Variants in SORCS3 observed in about 807,000 individuals in gnomAD.
The protein encoded by SORCS3 is sortilin related VPS10 domain containing receptor 3.
SORCS3 carries 57 observed loss-of-function variants against 146.3 expected under a neutral mutation model. The ratio of observed to expected loss-of-function variants is 0.39; its 90% confidence interval spans 0.31 to 0.49. The LOEUF is 0.49. Among genes scored for constraint, SORCS3 ranks in the 20% least tolerant of loss-of-function variants. The pLI, the probability that SORCS3 is intolerant of heterozygous loss-of-function variation, is 0.92. For synonymous variants in SORCS3, 653 were observed against 618.5 expected (o/e 1.06, Z -0.83); for missense variants, 1,341 against 1,575.5 (o/e 0.85, Z 2.52).
At chr10:105,073,551 TC>T (rs1208678563) in intron 5 of SORCS3, among the ~76,000 whole-genome samples, 3 of 152,202 alleles carry the variant, frequency 2.0e-5, no homozygotes, top group Non-Finnish European at 4.4e-5. Context: ...CTTGGGCCTT[TC>T]CATGAGGCTA....
intron 3 of SORCS3, among the ~76,000 whole-genome samples, chr10:104,940,239 T>TATA (rs1554861474): frequency 1.2e-3 from 18 of 14,498 alleles, no homozygotes; most frequent in South Asian, 3.5e-3. Context: ...TATATATATA[T>TATA]TTTTTTTTTT....
intron 7 of SORCS3, among the ~76,000 whole-genome samples, chr10:105,137,494 A>C (rs2056066907): frequency 7.5e-6 from 1 of 133,450 alleles, no homozygotes; most frequent in Non-Finnish European, 1.7e-5. Flanking sequence ...TTCACCTCAA[A>C]TTAAAAAAAA....
chr10:104,951,559 G>A (rs2019429433), intron 3 of SORCS3, among the ~76,000 whole-genome samples: 1 of 151,888 alleles, frequency 6.6e-6, no homozygotes, highest in Non-Finnish European at 1.5e-5. Context: ...TGCCCAGCCT[G>A]GTCTCAAACT....
At chr10:105,137,631 G>A (rs1347575136) in intron 7 of SORCS3, among the ~76,000 whole-genome samples, 1 of 152,090 alleles carries the variant, frequency 6.6e-6, no homozygotes, top group African/African-American at 2.4e-5. Flanking sequence ...CTAGTTATGA[G>A]GTGTTCAAAG....
intron 9 of SORCS3, 90 bp from the exon 10 acceptor site, chr10:105,157,048 T>G: frequency 6.9e-7 from 1 of 1,452,548 alleles, no homozygotes; most frequent in Non-Finnish European, 9.4e-7. Context: ...CAACATGCCG[T>G]GGGAAATTCT....
intron 1 of SORCS3, among the ~76,000 whole-genome samples, chr10:104,706,258 A>G (rs1352811156): frequency 8.2e-6 from 1 of 122,376 alleles, no homozygotes; most frequent in African/African-American, 3.3e-5. Context: ...GCCAGACTGG[A>G]GTGCAGTGGC....
intron 6 of SORCS3, 37 bp from the exon 7 acceptor site, chr10:105,105,360 A>C (rs944496701): frequency 2.1e-6 from 3 of 1,414,940 alleles, no homozygotes; most frequent in African/African-American, 1.4e-5. Flanking sequence ...CATGATTTTC[A>C]CTTGTATCTA....
At chr10:105,095,652 A>G (rs367587831) in intron 6 of SORCS3, among the ~76,000 whole-genome samples, 49 of 149,632 alleles carry the variant, frequency 3.3e-4, no homozygotes, top group African/African-American at 1.0e-3. Context: ...TTTCTGCTCA[A>G]TCTCCATGGG....
At chr10:105,050,931 G>A (rs1288154641) in intron 5 of SORCS3, among the ~76,000 whole-genome samples, 9 of 152,168 alleles carry the variant, frequency 5.9e-5, no homozygotes, top group Admixed American at 5.9e-4. Flanking sequence ...TTGTTTGGGT[G>A]TGTCCTTGAA....
chr10:105,241,648 A>G (rs2056824297), intron 20 of SORCS3, among the ~76,000 whole-genome samples: 1 of 152,086 alleles, frequency 6.6e-6, no homozygotes, highest in Non-Finnish European at 1.5e-5. Context: ...TTTACTGAGC[A>G]ATGAAAACAG....
intron 2 of SORCS3, among the ~76,000 whole-genome samples, chr10:104,849,411 CAAAAAAAAAA>C (rs10591862): frequency 1.3e-5 from 1 of 78,022 alleles, no homozygotes; most frequent in East Asian, 4.1e-4. Flanking sequence ...GACTCCATCT[CAAAAAAAAAA>C]AAAAAAAAAA....
chr10:104,870,494 A>G (rs1033455997), intron 2 of SORCS3, among the ~76,000 whole-genome samples: 4 of 152,162 alleles, frequency 2.6e-5, no homozygotes, highest in African/African-American at 7.2e-5. Flanking sequence ...GGTAACACCT[A>G]AAACTGCCAT....
At chr10:105,222,044 CTT>C (rs34795700) in intron 19 of SORCS3, among the ~76,000 whole-genome samples, 5,580 of 76,176 alleles carry the variant, frequency 0.073, 87 homozygotes, top group Non-Finnish European at 0.09. Flanking sequence ...TACCTTAACA[CTT>C]TTTTTTTTTT....
At chr10:105,211,092 C>A in intron 16 of SORCS3, 45 bp from the exon 17 acceptor site, 1 of 1,289,946 alleles carries the variant, frequency 7.8e-7, no homozygotes, top group Non-Finnish European at 1.1e-6. Flanking sequence ...GTTATTTTAG[C>A]GTTTGTACAT....
intron 1 of SORCS3, among the ~76,000 whole-genome samples, chr10:104,774,013 T>C (rs1052345708): frequency 6.6e-6 from 1 of 152,204 alleles, no homozygotes; most frequent in Non-Finnish European, 1.5e-5. Flanking sequence ...TATCCTCTGT[T>C]CCTTCTGGAT....
At chr10:104,646,097 G>A (rs768923869) in intron 1 of SORCS3, among the ~76,000 whole-genome samples, 2 of 152,190 alleles carry the variant, frequency 1.3e-5, no homozygotes, top group Admixed American at 6.5e-5. Context: ...GGGACATAAC[G>A]GTACTAATTG....
intron 17 of SORCS3, among the ~76,000 whole-genome samples, chr10:105,212,978 G>A (rs2119644644): frequency 6.6e-6 from 1 of 152,058 alleles, no homozygotes; most frequent in African/African-American, 2.4e-5. Context: ...AAAAAATAAG[G>A]TGATATTAAT....
At chr10:104,882,038 T>A (rs191820487) in intron 2 of SORCS3, among the ~76,000 whole-genome samples, 2 of 152,342 alleles carry the variant, frequency 1.3e-5, no homozygotes, top group Admixed American at 1.3e-4. Flanking sequence ...AGCTGCTCAG[T>A]GGATGCACAG....
At position 104,749,226 on chromosome 10, in the gene SORCS3, GGTGTGTGTGTGTGT is replaced by G. The variant is rs60550253; in HGVS notation, c.628-93537_628-93524del. On this transcript the variant is annotated intron_variant, in intron 1 of 26. Coordinates refer to ENST00000369701, the MANE Select transcript of SORCS3 (RefSeq NM_014978.3). The stretch of plus-strand genomic sequence containing the variant: ...GTACCTTGTTCTGTGCAAAGTATAG[GGTGTGTGTGTGTGT>G]GTGTGTGTGTGTGTGTGTGTGTGTG... 1.1e-3 allele frequency among the ~76,000 whole-genome samples: 154 copies of G among 140,998 alleles called. 3 individuals carry two copies. The South Asian group carries it at 0.029, about 26-fold the overall frequency. 92.5% of individuals were successfully genotyped at this position (140,998 alleles called of 152,430 possible).
Sources: allele counts gnomAD v4.1 joint callset (sites outside exome capture counted in the v4.1 genomes callset), GRCh38; gene constraint gnomAD v4.1.1; transcripts MANE v1.5; gene names NCBI Gene and HGNC (gene_info 2026-07-23, HGNC 2026-07-21).